ADAMTSL3: variants seen among roughly 807,000 people sequenced by gnomAD.
ADAMTSL3 encodes ADAMTS-like protein 3.
A neutral mutation model predicts 201.7 loss-of-function variants in ADAMTSL3; 128 were observed. That is an observed-to-expected ratio of 0.63 (90% CI 0.55 to 0.73). ADAMTSL3 has a LOEUF of 0.73. ADAMTSL3 is among the 30% of genes least tolerant of loss of function. The probability of loss-of-function intolerance (pLI) is 0.00; values close to 1 mark genes in which losing one functional copy is unlikely to be tolerated. For missense variants in ADAMTSL3, 1,990 were observed against 2,119.6 expected, an observed-to-expected ratio of 0.94 and a Z score of 1.20; for synonymous variants, 738 against 748.4, an observed-to-expected ratio of 0.99 and a Z score of 0.23.
intron 27 of ADAMTSL3, among the ~76,000 whole-genome samples, chr15:84,030,369 G>A (rs1486191789): frequency 2.6e-5 from 4 of 152,182 alleles, no homozygotes; most frequent in East Asian, 1.9e-4. Flanking sequence ...TGGAAGACAC[G>A]GGGTCATGTC....
At chr15:83,793,067 T>A (rs72746938) in intron 4 of ADAMTSL3, among the ~76,000 whole-genome samples, 1 of 152,144 alleles carries the variant, frequency 6.6e-6, no homozygotes, top group South Asian at 2.1e-4. Flanking sequence ...AGTATTTAAG[T>A]GACGTAAGTC....
Position 83,819,982 on chromosome 15 carries a change from A to G in ADAMTSL3, c.535A>G (p.Lys179Glu). 6.2e-7 allele frequency: 1 copy of G among 1,614,110 alleles called. No homozygotes were observed. The highest frequency in any genetic ancestry group is 8.5e-7 in the Non-Finnish European group (1 of 1,179,996). The change falls in exon 6 of 30, where the codon AAG becomes GAG. Residue 179 changes from lysine to glutamate, a missense_variant. Coordinates refer to ENST00000286744, the MANE Select transcript of ADAMTSL3 (RefSeq NM_207517.3). ...GQNLVVELAP[K>E]VLDGTRCNTD... ...AAACTTGGTGGTGGAGCTGGCACCTAAGGTACTGGATGGAACTCGTTGCAA... is the reference window on the plus strand; with the variant it reads ...AAACTTGGTGGTGGAGCTGGCACCTGAGGTACTGGATGGAACTCGTTGCAA...
At chr15:83,766,305 C>G (rs1330781074) in intron 3 of ADAMTSL3, among the ~76,000 whole-genome samples, 1 of 152,186 alleles carries the variant, frequency 6.6e-6, no homozygotes, top group Non-Finnish European at 1.5e-5. Context: ...TCACAGGGCA[C>G]TGAGCACAGA....
chr15:83,705,812 C>T (rs1323433961), intron 3 of ADAMTSL3, among the ~76,000 whole-genome samples: 1 of 152,152 alleles, frequency 6.6e-6, no homozygotes, highest in Non-Finnish European at 1.5e-5. Flanking sequence ...ACCCTCCAGA[C>T]CGCTGTGGGC....
intron 4 of ADAMTSL3, among the ~76,000 whole-genome samples, chr15:83,776,434 C>T (rs978411775): frequency 6.6e-6 from 1 of 152,192 alleles, no homozygotes; most frequent in Non-Finnish European, 1.5e-5. Flanking sequence ...AATTATGTCA[C>T]TGGCCAGGCA....
chr15:83,808,120 C>CA (rs2063630504), intron 5 of ADAMTSL3, among the ~76,000 whole-genome samples: 1 of 151,868 alleles, frequency 6.6e-6, no homozygotes, highest in Non-Finnish European at 1.5e-5. Flanking sequence ...ACAATAAAAG[C>CA]AAAAATAGAC....
rs552053487 is a variant in ADAMTSL3 at position 83,982,634 on chromosome 15, C to T, written c.3006C>T (p.Leu1002=). ...AGCTCATTGGTACTGACAACCGGCTCATCGCACGCCCAGCCCTCAGGGAGC... is the reference window on the plus strand; with the variant it reads ...AGCTCATTGGTACTGACAACCGGCTTATCGCACGCCCAGCCCTCAGGGAGC... The part of the protein sequence containing the change: ...VLKLIGTDNR[L]IARPALREPM... The change falls in exon 21 of 30, where the codon CTC becomes CTT. Residue 1002 remains leucine (L), a synonymous_variant. Transcript: ENST00000286744. The T allele has an allele frequency of 1.9e-6, 3 of 1,614,208 alleles. 1 individual carries two copies. The South Asian group carries it at 3.3e-5, about 18-fold the overall frequency.
At chr15:83,872,003 C>T (rs768236118) in intron 9 of ADAMTSL3, among the ~76,000 whole-genome samples, 55 of 152,098 alleles carry the variant, frequency 3.6e-4, no homozygotes, top group Non-Finnish European at 8.8e-5. Flanking sequence ...GGAACATGCA[C>T]GGAGGTAGAT....
At chr15:83,903,010 C>T (rs904172919) in intron 15 of ADAMTSL3, among the ~76,000 whole-genome samples, 1 of 152,134 alleles carries the variant, frequency 6.6e-6, no homozygotes, top group Admixed American at 6.5e-5. Context: ...ACCCCCTGAT[C>T]ATTTTTGAAG....
Position 83,791,732 on chromosome 15 carries a change from C to T in ADAMTSL3, c.318-12918C>T, listed in dbSNP as rs537325765. ...AAAAATTGCCGGGCATGGTAGCGGGCGCCTGTAGTCCCAGCTACTCGGGAG... is the reference window on the plus strand; with the variant it reads ...AAAAATTGCCGGGCATGGTAGCGGGTGCCTGTAGTCCCAGCTACTCGGGAG... On this transcript the variant is annotated intron_variant, in intron 4 of 29. Transcript: ENST00000286744. 1.4e-4 allele frequency among the ~76,000 whole-genome samples: 22 copies of T among 151,774 alleles called. No individual in the cohort carries two copies. In the South Asian group the frequency reaches 2.3e-3, roughly 16 times the overall value.
chr15:83,814,136 C>T (rs560029335), intron 5 of ADAMTSL3, among the ~76,000 whole-genome samples: 1 of 152,192 alleles, frequency 6.6e-6, no homozygotes, highest in Admixed American at 6.5e-5. Context: ...GTGACCATTG[C>T]GGGATCCCTC....
chr15:83,661,635 A>T lies in ADAMTSL3; in HGVS notation c.69+5805A>T, dbSNP rs565696605. 1.1e-4 allele frequency among the ~76,000 whole-genome samples: 16 copies of T among 152,242 alleles called. 1 individual carries two copies. The highest frequency in any genetic ancestry group is 1.0e-3 in the South Asian group (5 of 4,812). ...TGTGATTTTTGTACATTGATTTTGT[A>T]TCCTGAGACTTTGCTGAAGTTGCTT... On this transcript the variant is annotated intron_variant, in intron 2 of 29. Transcript: ENST00000286744.
chr15:83,766,128 C>G (rs982379902), intron 3 of ADAMTSL3, among the ~76,000 whole-genome samples: 1 of 152,204 alleles, frequency 6.6e-6, no homozygotes, highest in Non-Finnish European at 1.5e-5. Flanking sequence ...CCCAGCTCTC[C>G]TAACCAAGGT....
intron 23 of ADAMTSL3, among the ~76,000 whole-genome samples, chr15:84,011,367 A>ATT: frequency 1.3e-5 from 2 of 152,236 alleles, no homozygotes; most frequent in African/African-American, 4.8e-5. Flanking sequence ...AACAAGACAA[A>ATT]TATGCCTGCT....
At chr15:83,853,627 G>A (rs963701167) in intron 7 of ADAMTSL3, among the ~76,000 whole-genome samples, 3 of 152,036 alleles carry the variant, frequency 2.0e-5, no homozygotes, top group Non-Finnish European at 4.4e-5. Context: ...CTAAATTTGA[G>A]CAACACTAGC....
intron 19 of ADAMTSL3, among the ~76,000 whole-genome samples, chr15:83,962,009 C>T (rs1405415070): frequency 6.6e-6 from 1 of 152,084 alleles, no homozygotes; most frequent in African/African-American, 2.4e-5. Flanking sequence ...TCCCATAATT[C>T]CCATGTGTTG....
At chr15:83,696,594 C>T (rs1038555297) in intron 2 of ADAMTSL3, among the ~76,000 whole-genome samples, 1 of 152,200 alleles carries the variant, frequency 6.6e-6, no homozygotes, top group Non-Finnish European at 1.5e-5. Context: ...TGTCGTCTGT[C>T]AGTGTAGATT....
intron 2 of ADAMTSL3, among the ~76,000 whole-genome samples, chr15:83,697,300 T>C (rs891014468): frequency 6.6e-6 from 1 of 152,110 alleles, no homozygotes; most frequent in African/African-American, 2.4e-5. Context: ...AGCACTTGTG[T>C]GGAGGTATTT....
At chr15:83,731,662 C>T (rs546664433) in intron 3 of ADAMTSL3, among the ~76,000 whole-genome samples, 1 of 151,810 alleles carries the variant, frequency 6.6e-6, no homozygotes, top group Non-Finnish European at 1.5e-5. Context: ...ACTTAAGTGT[C>T]CATTGATAGA....
Sources: gnomAD v4.1 joint callset for allele counts (sites outside exome capture counted in the v4.1 genomes callset) on GRCh38, gnomAD v4.1.1 for gene constraint, MANE v1.5 for transcripts, NCBI Gene and HGNC (gene_info 2026-07-23, HGNC 2026-07-21) for gene names.